Variants in DYNC2H1 observed in about 807,000 individuals in gnomAD.
The protein encoded by DYNC2H1 is dynein cytoplasmic 2 heavy chain 1.
A neutral mutation model predicts 570.0 loss-of-function variants in DYNC2H1; 410 were observed. The ratio of observed to expected loss-of-function variants is 0.72; its 90% CI spans 0.66 to 0.78. DYNC2H1 has a LOEUF of 0.78. Ranked by LOEUF, DYNC2H1 falls within the 30% of genes least tolerant of loss-of-function variation. The pLI is 0.00. For synonymous variants in DYNC2H1, 1,688 were observed against 1,677.6 expected (o/e 1.01, Z -0.15); for missense variants, 4,865 against 5,046.4 (o/e 0.96, Z 1.09).
At chr11:103,284,344 G>GA (rs1026821409) in intron 73 of DYNC2H1, among the ~76,000 whole-genome samples, 2 of 151,904 alleles carry the variant, frequency 1.3e-5, no homozygotes, top group South Asian at 2.1e-4. Context: ...TAATAGTCCT[G>GA]AAAAAAAATC....
Position 103,192,254 on chromosome 11 carries a change from C to T in DYNC2H1, c.7698C>T (p.Asp2566=). The change falls in exon 47 of 89, where the codon GAC becomes GAT. Residue 2566 remains aspartate (D), a synonymous_variant. Transcript: ENST00000375735. ...FQGDWGSDIL[D]NMSDSFYVTW... is the part of the protein sequence containing the mutation. ...GAGATTGGGGCTCAGACATATTAGACAATATGTCAGGTAAGGTAATAGAGC... is the reference window on the plus strand; with the variant it reads ...GAGATTGGGGCTCAGACATATTAGATAATATGTCAGGTAAGGTAATAGAGC... The T allele has an allele frequency of 6.5e-7, 1 of 1,550,294 alleles. No homozygotes were observed. The highest frequency in any genetic ancestry group is 8.8e-7 in the Non-Finnish European group (1 of 1,140,114).
Position 103,163,040 on chromosome 11 carries a change from G to T in DYNC2H1, c.4504G>T (p.Asp1502Tyr). Residue 1502 changes from aspartate (D) to tyrosine (Y), a missense_variant, in exon 30 of 89, where the codon GAT becomes TAT. Coordinates refer to ENST00000375735, the MANE Select transcript of DYNC2H1 (RefSeq NM_001377.3). This position sits in a 1 kb window ranked among gnomAD's most constrained non-coding sequence, Gnocchi z 4.6. ...ATTTCTTTTTCAGACATGGTTGAATGATTTGGCCTTAGAAATGAAGAAAAC... is the reference window on the plus strand; with the variant it reads ...ATTTCTTTTTCAGACATGGTTGAATTATTTGGCCTTAGAAATGAAGAAAAC... The part of the protein sequence containing the change: ...LSNNVETWLN[D>Y]LALEMKKTLE... 6.2e-7 allele frequency: 1 copy of T among 1,611,044 alleles called. No homozygotes were observed. Among genetic ancestry groups the T allele is most frequent in the Non-Finnish European group, 8.5e-7 (1 of 1,178,170 alleles).
At position 103,253,424 on chromosome 11, in the gene DYNC2H1, A is replaced by C. The variant is rs1243703225; in HGVS notation, c.10182A>C (p.Thr3394=). The C allele has an allele frequency of 6.2e-7, 1 of 1,612,356 alleles. No individual in the cohort carries two copies. Among genetic ancestry groups the C allele is most frequent in the Non-Finnish European group, 8.5e-7 (1 of 1,178,640 alleles). ...ASIVTEVNFT[T]TRSGLRGQLL... is the part of the protein sequence containing the mutation. ...TTGTTACTGAGGTTAACTTTACTAC[A>C]ACAAGAAGTGGATTACGAGGGCAGG... is the stretch of plus-strand genomic sequence containing the variant. Residue 3394 remains threonine (T), a synonymous_variant, in exon 66 of 89, where the codon ACA becomes ACC. Coordinates refer to ENST00000375735, the MANE Select transcript of DYNC2H1 (RefSeq NM_001377.3).
At chr11:103,260,084 A>G in intron 70 of DYNC2H1, 107 bp downstream of exon 70, 1 of 588,564 alleles carries the variant, frequency 1.7e-6, no homozygotes, top group Non-Finnish European at 2.6e-6. Context: ...GGTATTAAAA[A>G]TGGTATTTCT....
chr11:103,345,706 G>T (rs555061695), intron 82 of DYNC2H1, among the ~76,000 whole-genome samples: 6 of 152,184 alleles, frequency 3.9e-5, no homozygotes, highest in Admixed American at 3.9e-4. Flanking sequence ...GGTAGCTGGG[G>T]TGGAGGTGGA....
In DYNC2H1 at chr11:103,468,625, G is replaced by A. The variant is rs778879168; in HGVS notation, c.12685G>A (p.Gly4229Arg). The A allele has an allele frequency of 6.2e-7, 1 of 1,613,574 alleles. No homozygotes were observed. The highest frequency in any genetic ancestry group is 2.2e-5 in the East Asian group (1 of 44,848). ...GTTACTAGAAGGATGTAGTTTTGAT[G>A]GAAATCAACTTTCTGAAAATCAGCT... ...GLLLEGCSFD[G>R]NQLSENQLDS... The change falls in exon 88 of 89, where the codon GGA (glycine) becomes AGA (arginine). Residue 4229 changes from glycine (G) to arginine (R), a missense_variant. Coordinates refer to ENST00000375735, the MANE Select transcript of DYNC2H1 (RefSeq NM_001377.3).
At chr11:103,156,306 T>C (rs1296291165) in intron 25 of DYNC2H1, 82 bp from the exon 26 acceptor site, 1 of 1,357,400 alleles carries the variant, frequency 7.4e-7, no homozygotes, top group Admixed American at 3.0e-5. Flanking sequence ...TAAAATATAT[T>C]TTTCATAAAA....
At chr11:103,342,669 A>AT (rs1325281676) in intron 82 of DYNC2H1, among the ~76,000 whole-genome samples, 4 of 151,532 alleles carry the variant, frequency 2.6e-5, no homozygotes, top group Non-Finnish European at 4.4e-5. Context: ...TGCCCGGCTA[A>AT]TTTTTTTTGT....
At chr11:103,316,932 A>G (rs1937879746) in intron 80 of DYNC2H1, among the ~76,000 whole-genome samples, 1 of 152,152 alleles carries the variant, frequency 6.6e-6, no homozygotes, top group Admixed American at 6.6e-5. Flanking sequence ...ATTCAGGAGT[A>G]TAGCAGACTA....
intron 70 of DYNC2H1, among the ~76,000 whole-genome samples, chr11:103,279,020 A>T (rs957260235): frequency 5.3e-5 from 8 of 152,206 alleles, no homozygotes; most frequent in African/African-American, 1.9e-4. Context: ...GATTAAAAAC[A>T]TTCTTCCCAT....
Position 103,381,054 on chromosome 11 carries a change from G to A in DYNC2H1, c.12157-18609G>A, listed in dbSNP as rs1185214579. Among the ~76,000 whole-genome samples the A allele has an allele frequency of 2.0e-5, 3 of 152,192 alleles. No individual in the cohort carries two copies. The East Asian group carries it at 5.8e-4, about 29-fold the overall frequency. ...GAACTTACAAGAAGGGAGCATGGAG[G>A]TGATATAAAAGGTTTGTGTTTTATA... On this transcript the variant is annotated intron_variant, in intron 83 of 88. Coordinates refer to ENST00000375735, the MANE Select transcript of DYNC2H1 (RefSeq NM_001377.3).
intron 83 of DYNC2H1, among the ~76,000 whole-genome samples, chr11:103,389,245 G>A (rs2514394): frequency 0.44 from 66,564 of 152,052 alleles, 16,172 homozygotes; most frequent in Non-Finnish European, 0.55. Context: ...TGTATGTGTC[G>A]AGGAATTTAT....
At chr11:103,137,654 G>A (rs1448789747) in intron 17 of DYNC2H1, among the ~76,000 whole-genome samples, 1 of 151,988 alleles carries the variant, frequency 6.6e-6, no homozygotes, top group Non-Finnish European at 1.5e-5. Flanking sequence ...TTGAAGTCAG[G>A]TAGCGTGATG....
intron 85 of DYNC2H1, among the ~76,000 whole-genome samples, chr11:103,453,976 C>T (rs1025866065): frequency 1.2e-4 from 18 of 151,948 alleles, no homozygotes; most frequent in Non-Finnish European, 1.9e-4. Flanking sequence ...AATTATGCTT[C>T]GCTAAGAAGA....
At position 103,303,194 on chromosome 11, in the gene DYNC2H1, C is replaced by G. The variant is rs1317652352; in HGVS notation, c.11197C>G (p.Pro3733Ala). Residue 3733 changes from proline to alanine, a missense_variant, in exon 76 of 89, where the codon CCT (proline) becomes GCT (alanine). This residue lies in a region of DYNC2H1 where 2,401 missense variants were observed against 2,454.6 expected (regional missense o/e 0.98). Transcript: ENST00000375735. ...ILIIISPGAD[P>A]SQELQELANA... ...GATAATTATTTCTCCGGGTGCTGATCCTTCTCAGGAACTTCAAGAACTAGC... is the reference window on the plus strand; with the variant it reads ...GATAATTATTTCTCCGGGTGCTGATGCTTCTCAGGAACTTCAAGAACTAGC... 2 of 1,612,728 alleles carry G rather than the reference C, an allele frequency of 1.2e-6. No individual in the cohort carries two copies. The highest frequency in any genetic ancestry group is 4.5e-5 in the East Asian group (2 of 44,830).
chr11:103,442,735 C>T (rs933772638), intron 85 of DYNC2H1, among the ~76,000 whole-genome samples: 2 of 152,078 alleles, frequency 1.3e-5, no homozygotes, highest in African/African-American at 2.4e-5. Context: ...TGCATTGCAC[C>T]TTTCATCACA....
intron 12 of DYNC2H1, among the ~76,000 whole-genome samples, chr11:103,127,976 C>G (rs1324369524): frequency 6.6e-6 from 1 of 152,122 alleles, no homozygotes; most frequent in Non-Finnish European, 1.5e-5. Context: ...GTTAGGTATG[C>G]CTTGATGAAG....
chr11:103,263,278 G>C (rs181690347), intron 70 of DYNC2H1, among the ~76,000 whole-genome samples: 1 of 152,166 alleles, frequency 6.6e-6, no homozygotes, highest in East Asian at 1.9e-4. Flanking sequence ...ACACCCCACT[G>C]TCAATATTAG....
rs1343067276 is a variant in DYNC2H1 at position 103,204,380 on chromosome 11, T to C, written c.8312-442T>C. The stretch of plus-strand genomic sequence containing the variant: ...GTATGGTAATGTTCTTTGGAATATT[T>C]ACCTTGCCTCCTTTGTTTCATGTGG... On this transcript the variant is annotated intron_variant, in intron 51 of 88. Transcript: ENST00000375735. The surrounding 1 kb of genome is among the most constrained non-coding windows in gnomAD (Gnocchi z 4.1). Among the ~76,000 whole-genome samples, 1 of 152,214 alleles carries C rather than the reference T, an allele frequency of 6.6e-6. No homozygotes were observed. The highest frequency in any genetic ancestry group is 1.5e-5 in the Non-Finnish European group (1 of 68,040).
Sources: allele counts gnomAD v4.1 joint callset (sites outside exome capture counted in the v4.1 genomes callset), GRCh38; gene constraint gnomAD v4.1.1; regional missense constraint gnomAD v4.1.1; non-coding constraint Gnocchi (gnomAD v3.1); transcripts MANE v1.5; gene names NCBI Gene and HGNC (gene_info 2026-07-23, HGNC 2026-07-21).